Variants in KCNH5 observed in about 807,000 individuals in gnomAD.
KCNH5 encodes voltage-gated delayed rectifier potassium channel KCNH5.
In KCNH5, 46 loss-of-function variants were observed where a neutral mutation model predicts 96.1. That is an observed-to-expected ratio of 0.48 (90% confidence interval 0.38 to 0.61). The LOEUF (loss-of-function observed/expected upper bound fraction) is 0.61, where lower values mean the gene tolerates loss of function less well. Among genes scored for constraint, KCNH5 ranks in the 20% least tolerant of loss-of-function variants. KCNH5 has a pLI of 0.00. For missense variants in KCNH5, 907 were observed against 1,225.8 expected, an observed-to-expected ratio of 0.74 and a Z score of 3.88; for synonymous variants, 439 against 449.8, an observed-to-expected ratio of 0.98 and a Z score of 0.30.
chr14:62,945,345 AG>A (rs1889866140), intron 7 of KCNH5, among the ~76,000 whole-genome samples: 2 of 152,110 alleles, frequency 1.3e-5, no homozygotes, highest in Admixed American at 1.3e-4. Context: ...CCTTTCACAA[AG>A]GAATCGGGGT....
intron 8 of KCNH5, among the ~76,000 whole-genome samples, chr14:62,820,138 G>C (rs943106786): frequency 7.9e-5 from 12 of 152,072 alleles, no homozygotes; most frequent in Admixed American, 6.6e-5. Flanking sequence ...CCAGCTTCAG[G>C]GGAAAATATA....
At chr14:62,957,257 A>C (rs1380913745) in intron 6 of KCNH5, among the ~76,000 whole-genome samples, 1 of 152,234 alleles carries the variant, frequency 6.6e-6, no homozygotes, top group African/African-American at 2.4e-5. Flanking sequence ...TGCAATGATA[A>C]AGCCATCCAA....
intron 10 of KCNH5, among the ~76,000 whole-genome samples, chr14:62,756,922 G>A (rs1885636008): frequency 6.6e-6 from 1 of 152,080 alleles, no homozygotes; most frequent in African/African-American, 2.4e-5. Context: ...CATAAGCACA[G>A]GCAACCAAAG....
intron 6 of KCNH5, among the ~76,000 whole-genome samples, chr14:62,975,947 T>C (rs139046111): frequency 1.1e-3 from 171 of 151,874 alleles, no homozygotes; most frequent in Non-Finnish European, 1.6e-3. Context: ...ACACCAACCA[T>C]ACAAAAGCAA....
chr14:62,992,460 C>G (rs1890827533), intron 4 of KCNH5, among the ~76,000 whole-genome samples: 1 of 151,950 alleles, frequency 6.6e-6, no homozygotes, highest in Admixed American at 6.6e-5. Context: ...ACAAGAGTTC[C>G]CTTTTCTCCA....
chr14:63,015,335 C>T (rs1410985193), intron 2 of KCNH5, among the ~76,000 whole-genome samples: 2 of 151,846 alleles, frequency 1.3e-5, no homozygotes, highest in Admixed American at 6.6e-5. Context: ...TAAGTGATTG[C>T]TATGTGCAGT....
At chr14:62,757,730 T>C (rs1885654486) in intron 10 of KCNH5, among the ~76,000 whole-genome samples, 1 of 152,092 alleles carries the variant, frequency 6.6e-6, no homozygotes. Flanking sequence ...TCTCACTTAT[T>C]TGTGGGAGCT....
intron 10 of KCNH5, among the ~76,000 whole-genome samples, chr14:62,750,450 G>C (rs1026618402): frequency 6.6e-6 from 1 of 152,048 alleles, no homozygotes; most frequent in Non-Finnish European, 1.5e-5. Flanking sequence ...TATATCTAGG[G>C]TCTGTCATTG....
At chr14:62,799,712 T>C (rs1362554207) in intron 9 of KCNH5, among the ~76,000 whole-genome samples, 4 of 109,840 alleles carry the variant, frequency 3.6e-5, no homozygotes, top group African/African-American at 1.3e-4. Flanking sequence ...TATATATATA[T>C]ATATATATAT....
intron 9 of KCNH5, among the ~76,000 whole-genome samples, chr14:62,784,506 T>A (rs1299957287): frequency 6.6e-6 from 1 of 152,224 alleles, no homozygotes; most frequent in African/African-American, 2.4e-5. Flanking sequence ...GGTCTTTTTC[T>A]TCCTACTGTA....
chr14:62,820,168 G>A (rs1440703171), intron 8 of KCNH5, among the ~76,000 whole-genome samples: 1 of 152,074 alleles, frequency 6.6e-6, no homozygotes, highest in Non-Finnish European at 1.5e-5. Flanking sequence ...TCTGAGGGGG[G>A]TATATAAAAG....
At chr14:63,015,121 A>G (rs541596966) in intron 2 of KCNH5, among the ~76,000 whole-genome samples, 1 of 152,222 alleles carries the variant, frequency 6.6e-6, no homozygotes, top group South Asian at 2.1e-4. Context: ...CAGTAGAGGC[A>G]AAAATGAGGA....
intron 6 of KCNH5, among the ~76,000 whole-genome samples, chr14:62,978,792 G>T (rs1403360328): frequency 6.6e-6 from 1 of 151,890 alleles, no homozygotes; most frequent in African/African-American, 2.4e-5. Context: ...ATTTTTAATT[G>T]ACAGAAATAA....
chr14:62,916,016 G>C (rs1361539132), intron 7 of KCNH5, among the ~76,000 whole-genome samples: 1 of 149,390 alleles, frequency 6.7e-6, no homozygotes, highest in Admixed American at 6.7e-5. Context: ...GTGCAGTGGA[G>C]ATCTTGGCTC....
chr14:62,815,755 T>C (rs1886965204), intron 8 of KCNH5, among the ~76,000 whole-genome samples: 1 of 152,020 alleles, frequency 6.6e-6, no homozygotes, highest in South Asian at 2.1e-4. Context: ...AAATAAATTA[T>C]TTCTTGGAAT....
At chr14:63,000,742 G>T (rs909401858) in intron 4 of KCNH5, among the ~76,000 whole-genome samples, 3 of 152,136 alleles carry the variant, frequency 2.0e-5, no homozygotes, top group Non-Finnish European at 4.4e-5. Context: ...AGCTCACCAT[G>T]GTATGAGGTG....
chr14:62,724,776 C>T (rs1429529625), intron 10 of KCNH5, among the ~76,000 whole-genome samples: 2 of 152,150 alleles, frequency 1.3e-5, no homozygotes, highest in African/African-American at 2.4e-5. Context: ...TAGTGTTGAA[C>T]TTTAATTATT....
intron 9 of KCNH5, among the ~76,000 whole-genome samples, chr14:62,781,550 G>C (rs1344798000): frequency 2.0e-5 from 3 of 152,126 alleles, no homozygotes; most frequent in Non-Finnish European, 2.9e-5. Flanking sequence ...GGCGGGGGGT[G>C]GGGGGCAGTT....
intron 7 of KCNH5, among the ~76,000 whole-genome samples, chr14:62,882,663 GT>G (rs1366763218): frequency 1.3e-5 from 2 of 152,100 alleles, no homozygotes; most frequent in African/African-American, 4.8e-5. Flanking sequence ...TGGAACATTC[GT>G]TTTACTGTCT....
Sources: gnomAD v4.1 joint callset for allele counts (sites outside exome capture counted in the v4.1 genomes callset) on GRCh38, gnomAD v4.1.1 for gene constraint, MANE v1.5 for transcripts, NCBI Gene and HGNC (gene_info 2026-07-23, HGNC 2026-07-21) for gene names.